Variants in SLC9A5 observed in about 807,000 individuals in gnomAD.
The protein encoded by SLC9A5 is sodium/hydrogen exchanger 5.
A neutral mutation model predicts 91.7 loss-of-function variants in SLC9A5; 52 were observed. The ratio of observed to expected loss-of-function variants is 0.57; its 90% CI spans 0.45 to 0.71. SLC9A5 has a LOEUF of 0.71. Ranked by LOEUF, SLC9A5 falls within the 30% of genes least tolerant of loss-of-function variation. SLC9A5 has a pLI of 0.00. For missense variants in SLC9A5, 871 were observed against 1,158.9 expected, an observed-to-expected ratio of 0.75 and a Z score of 3.61; for synonymous variants, 419 against 474.5, an observed-to-expected ratio of 0.88 and a Z score of 1.52.
rs2035392445 is a variant in SLC9A5 at position 67,258,297 on chromosome 16, C to CAAT, written c.1497-21_1497-20insAAT. ...AGGCCTTGGGAATGGGACTCAGGGC[C>CAAT]GGGCCTGGCATCCTCTGTAGGTGGG... On this transcript the variant is annotated intron_variant, in intron 9 of 15. Coordinates refer to ENST00000299798, the MANE Select transcript of SLC9A5 (RefSeq NM_004594.3). This position sits in a 1 kb window ranked among gnomAD's most constrained non-coding sequence, Gnocchi z 4.5. 6.2e-7 allele frequency: 1 copy of CAAT among 1,612,530 alleles called. No homozygotes were observed. Among genetic ancestry groups the CAAT allele is most frequent in the African/African-American group, 1.3e-5 (1 of 74,934 alleles).
intron 12 of SLC9A5, among the ~76,000 whole-genome samples, chr16:67,260,591 A>G (rs2035500825): frequency 6.6e-6 from 1 of 151,994 alleles, no homozygotes; most frequent in Admixed American, 6.6e-5. Context: ...GGGAAAGAAG[A>G]GGGGCACGTA....
intron 15 of SLC9A5, among the ~76,000 whole-genome samples, chr16:67,268,476 C>T (rs914515672): frequency 1.4e-4 from 21 of 149,622 alleles, no homozygotes; most frequent in Admixed American, 3.4e-4. Flanking sequence ...TGCCTCTAGT[C>T]AATTGACCCC....
In SLC9A5 at chr16:67,256,601, C is replaced by CATCT. The variant is rs2035327624; in HGVS notation, c.1045_1048dup (p.Ser350TyrfsTer8). On this transcript the variant is annotated frameshift_variant, in exon 6 of 16. Transcript: ENST00000299798. LOFTEE classifies it high-confidence loss of function. The surrounding 1 kb of genome is among the most constrained non-coding windows in gnomAD (Gnocchi z 4.1). ...AGACCGTGATCTTCATGCTGCTTGG[C>CATCT]ATCTCAGCCGTGGACTCTTCTAAGT... The CATCT allele has an allele frequency of 6.2e-7, 1 of 1,614,096 alleles. No individual in the cohort carries two copies. Among genetic ancestry groups the CATCT allele is most frequent in the Non-Finnish European group, 8.5e-7 (1 of 1,179,964 alleles).
In SLC9A5 at chr16:67,255,002, T is replaced by C. The variant is rs749478865; in HGVS notation, c.491-19T>C. On this transcript the variant is annotated intron_variant, in intron 2 of 15. Coordinates refer to ENST00000299798, the MANE Select transcript of SLC9A5 (RefSeq NM_004594.3). This position sits in a 1 kb window ranked among gnomAD's most constrained non-coding sequence, Gnocchi z 4.9. Reference sequence around the variant, plus strand: ...GTCGTCTTCAATGACTGGCCTGTCCTACACATGTCCCTTAATAGCCCCTAG... The same window carrying C: ...GTCGTCTTCAATGACTGGCCTGTCCCACACATGTCCCTTAATAGCCCCTAG... 4 of 1,611,096 alleles carry C rather than the reference T, an allele frequency of 2.5e-6. No homozygotes were observed. Among genetic ancestry groups the C allele is most frequent in the Non-Finnish European group, 3.4e-6 (4 of 1,178,158 alleles).
rs1262084997 is a variant in SLC9A5 at position 67,248,997 on chromosome 16, G to A, written c.-18G>A. On this transcript the variant is annotated 5_prime_UTR_variant, in exon 1 of 16. Transcript: ENST00000299798. The surrounding 1 kb of genome is among the most constrained non-coding windows in gnomAD (Gnocchi z 5.3). ...GGCGGCCGTGCGGTGCCGGGAGGGC[G>A]GCTGGGCAGGCGGCAGGATGCTGCG... 1.6e-6 allele frequency: 2 copies of A among 1,259,920 alleles called. No individual in the cohort carries two copies. Among genetic ancestry groups the A allele is most frequent in the African/African-American group, 1.6e-5 (1 of 63,852 alleles). The allele number at this position is 1,259,920 out of a possible 1,614,324, so 78.0% of individuals were successfully genotyped here.
chr16:67,271,443 C>G lies in SLC9A5; in HGVS notation c.*233C>G, dbSNP rs539755082. ...TTTCTGTTTCATTAAGGCCTCTACT[C>G]TGGCTCAGGACCCAGTCCAGGCCTT... On this transcript the variant is annotated 3_prime_UTR_variant, in exon 16 of 16. Transcript: ENST00000299798. 5.2e-6 allele frequency: 3 copies of G among 574,800 alleles called. No individual in the cohort carries two copies. In the Admixed American group the frequency reaches 9.0e-5, roughly 17 times the overall value. The allele number at this position is 574,800 out of a possible 1,614,324, so 35.6% of individuals were successfully genotyped here.
chr16:67,254,896 C>A, intron 2 of SLC9A5, 125 bp from the exon 3 acceptor site: 2 of 880,564 alleles, frequency 2.3e-6, no homozygotes, highest in Non-Finnish European at 3.4e-6. Flanking sequence ...CTTTGCCATC[C>A]CAAGTCCTCT....
Position 67,258,281 on chromosome 16 carries a change from G to T in SLC9A5, c.1497-37G>T. On this transcript the variant is annotated intron_variant, in intron 9 of 15. Transcript: ENST00000299798. The surrounding 1 kb of genome is among the most constrained non-coding windows in gnomAD (Gnocchi z 4.5). The stretch of plus-strand genomic sequence containing the variant: ...GAAGGGCCACCTGGCCAGGCCTTGG[G>T]AATGGGACTCAGGGCCGGGCCTGGC... 6.2e-7 allele frequency: 1 copy of T among 1,610,936 alleles called. No homozygotes were observed. Among genetic ancestry groups the T allele is most frequent in the Non-Finnish European group, 8.5e-7 (1 of 1,179,312 alleles).
chr16:67,259,361 CAAAAAA>C (rs764650700), intron 10 of SLC9A5, among the ~76,000 whole-genome samples: 1 of 43,362 alleles, frequency 2.3e-5, no homozygotes, highest in Admixed American at 2.5e-4. Context: ...GACTCTGTCT[CAAAAAA>C]AAAAAAAAAA....
At chr16:67,266,012 G>A (rs1292100638) in intron 14 of SLC9A5, 76 bp from the exon 15 acceptor site, 5 of 1,569,344 alleles carry the variant, frequency 3.2e-6, no homozygotes, top group Non-Finnish European at 3.4e-6. Flanking sequence ...GAGACAGGGA[G>A]CTGGCTTGGG....
At chr16:67,265,212 G>A (rs1020824559) in intron 14 of SLC9A5, 106 bp downstream of exon 14, 14 of 986,760 alleles carry the variant, frequency 1.4e-5, no homozygotes, top group Middle Eastern at 3.0e-4. Flanking sequence ...ATTCAGCACC[G>A]TGACCTGGGG....
Position 67,257,211 on chromosome 16 carries a change from T to C in SLC9A5, c.1335+98T>C. 1.4e-6 allele frequency: 2 copies of C among 1,404,282 alleles called. No individual in the cohort carries two copies. Among genetic ancestry groups the C allele is most frequent in the East Asian group, 2.3e-5 (1 of 43,696 alleles). The allele number at this position is 1,404,282 out of a possible 1,614,324, so 87.0% of individuals were successfully genotyped here. ...AGGGGCTTCTCTTCCCGCTGGGAGA[T>C]GGAGGGCCCTGACTTCCCAGACCTT... is the stretch of plus-strand genomic sequence containing the variant. On this transcript the variant is annotated intron_variant, in intron 7 of 15. Transcript: ENST00000299798. The surrounding 1 kb of genome is among the most constrained non-coding windows in gnomAD (Gnocchi z 5.1).
intron 14 of SLC9A5, 35 bp downstream of exon 14, chr16:67,265,141 G>A: frequency 6.2e-7 from 1 of 1,602,400 alleles, no homozygotes; most frequent in Non-Finnish European, 8.5e-7. Flanking sequence ...GAGGATGGGA[G>A]GGAGGAGGGA....
rs1173275526 is a variant in SLC9A5 at position 67,257,998 on chromosome 16, A to G, written c.1497-320A>G. Among the ~76,000 whole-genome samples the G allele has an allele frequency of 6.6e-6, 1 of 152,184 alleles. No individual in the cohort carries two copies. Among genetic ancestry groups the G allele is most frequent in the Admixed American group, 6.5e-5 (1 of 15,286 alleles). ...TTCGATTCATCCTTCACAACTCACC[A>G]TAGGCTTCAATTCCTTAGGGAGGAC... On this transcript the variant is annotated intron_variant, in intron 9 of 15. Coordinates refer to ENST00000299798, the MANE Select transcript of SLC9A5 (RefSeq NM_004594.3). This position sits in a 1 kb window ranked among gnomAD's most constrained non-coding sequence, Gnocchi z 5.1.
rs561786188 is a variant in SLC9A5, at chr16:67,256,193, T to G, written c.911+263T>G. Among the ~76,000 whole-genome samples the G allele has an allele frequency of 7.4e-4, 112 of 152,302 alleles. 2 individuals are homozygous for G. In the South Asian group the frequency reaches 0.023, roughly 31 times the overall value. On this transcript the variant is annotated intron_variant, in intron 5 of 15. Transcript: ENST00000299798. This position sits in a 1 kb window ranked among gnomAD's most constrained non-coding sequence, Gnocchi z 4.1. ...CTTTAAGGCCTGGGGCCACCAGCTC[T>G]GGAGGCCGCAGCACTCCAGAAGGTG...
intron 15 of SLC9A5, among the ~76,000 whole-genome samples, chr16:67,268,687 T>C (rs1293810365): frequency 2.6e-5 from 2 of 77,484 alleles, no homozygotes; most frequent in Admixed American, 1.2e-4. Context: ...TATATATATA[T>C]ATATATATAT....
At chr16:67,251,403 CTTTTTTTTTTTTTTTT>C (rs939453669) in intron 1 of SLC9A5, among the ~76,000 whole-genome samples, 1 of 64,800 alleles carries the variant, frequency 1.5e-5, no homozygotes, top group Non-Finnish European at 2.9e-5. Context: ...AGTAGATTGT[CTTTTTTTTTTTTTTTT>C]TTTTTTTTTT....
At position 67,271,303 on chromosome 16, in the gene SLC9A5, G is replaced by A. The variant is rs761215763; in HGVS notation, c.*93G>A. On this transcript the variant is annotated 3_prime_UTR_variant, in exon 16 of 16. Coordinates refer to ENST00000299798, the MANE Select transcript of SLC9A5 (RefSeq NM_004594.3). ...GCCCTCGAAACTTGACATGGGGCCA[G>A]AAGGGCCTGGGTTGAAGTAGTAATT... 59 of 1,152,356 alleles carry A rather than the reference G, an allele frequency of 5.1e-5. No homozygotes were observed. The highest frequency in any genetic ancestry group is 8.1e-5 in the Admixed American group (4 of 49,154). The allele number at this position is 1,152,356 out of a possible 1,614,324, so 71.4% of individuals were successfully genotyped here.
intron 15 of SLC9A5, among the ~76,000 whole-genome samples, chr16:67,266,604 G>A (rs2035713614): frequency 6.6e-6 from 1 of 151,874 alleles, no homozygotes; most frequent in African/African-American, 2.4e-5. Context: ...GCAGTGGTGC[G>A]ATCTCAGCTC....
Sources: allele counts gnomAD v4.1 joint callset (sites outside exome capture counted in the v4.1 genomes callset), GRCh38; gene constraint gnomAD v4.1.1; non-coding constraint Gnocchi (gnomAD v3.1); transcripts MANE v1.5; gene names NCBI Gene and HGNC (gene_info 2026-07-23, HGNC 2026-07-21).